The following INPP4B variants were observed in gnomAD, a reference collection of about 807,000 sequenced individuals.
The protein encoded by INPP4B is inositol polyphosphate 4-phosphatase type II.
A neutral mutation model predicts 122.5 loss-of-function variants in INPP4B; 55 were observed. That is an observed-to-expected ratio of 0.45 (90% CI 0.36 to 0.56). The LOEUF (loss-of-function observed/expected upper bound fraction) is 0.56. Ranked by LOEUF, INPP4B falls within the 20% of genes least tolerant of loss-of-function variation. INPP4B has a pLI of 0.00. For missense variants in INPP4B, 1,000 were observed against 1,097.7 expected (o/e 0.91, Z 1.26); for synonymous variants, 403 against 388.7 (o/e 1.04, Z -0.43).
At chr4:142,223,012 T>A (rs528242919) in intron 12 of INPP4B, among the ~76,000 whole-genome samples, 3 of 152,160 alleles carry the variant, frequency 2.0e-5, no homozygotes, top group African/African-American at 7.2e-5. Flanking sequence ...ACATTTTTTT[T>A]ATCAATAGTT....
intron 7 of INPP4B, among the ~76,000 whole-genome samples, chr4:142,400,115 C>T (rs1801112975): frequency 6.6e-6 from 1 of 152,136 alleles, no homozygotes; most frequent in South Asian, 2.1e-4. Flanking sequence ...GCCATCATTT[C>T]TCTTTAAAAA....
At chr4:142,041,965 T>C (rs1221100602) in intron 25 of INPP4B, among the ~76,000 whole-genome samples, 1 of 152,170 alleles carries the variant, frequency 6.6e-6, no homozygotes, top group Non-Finnish European at 1.5e-5. Context: ...CCTTTCTTTC[T>C]ATCACAGGAA....
intron 1 of INPP4B, among the ~76,000 whole-genome samples, chr4:142,809,143 A>T (rs1214218026): frequency 6.6e-6 from 1 of 152,110 alleles, no homozygotes; most frequent in Non-Finnish European, 1.5e-5. Context: ...TTTAATGTTA[A>T]AAAAGCATGA....
chr4:142,365,736 G>A (rs2148617800), intron 7 of INPP4B, among the ~76,000 whole-genome samples: 1 of 151,526 alleles, frequency 6.6e-6, no homozygotes, highest in Admixed American at 6.6e-5. Flanking sequence ...TAGATCACAT[G>A]CCACTATTTT....
intron 1 of INPP4B, among the ~76,000 whole-genome samples, chr4:142,749,884 T>C (rs1162027629): frequency 6.6e-6 from 1 of 151,542 alleles, no homozygotes; most frequent in African/African-American, 2.4e-5. Flanking sequence ...ATTATAAAAC[T>C]TTAATAAATC....
intron 2 of INPP4B, among the ~76,000 whole-genome samples, chr4:142,541,518 C>T (rs919335216): frequency 1.3e-5 from 2 of 151,946 alleles, no homozygotes; most frequent in Non-Finnish European, 2.9e-5. Flanking sequence ...AGACTAGGCA[C>T]TTTTTTTCTT....
intron 25 of INPP4B, chr4:142,030,116 A>G: frequency 6.6e-7 from 1 of 1,509,116 alleles, no homozygotes; most frequent in Non-Finnish European, 8.9e-7. Context: ...AAAAAGGAAT[A>G]CAACATAAAA....
chr4:142,096,523 TAA>T (rs1781856048), intron 23 of INPP4B, among the ~76,000 whole-genome samples: 1 of 152,154 alleles, frequency 6.6e-6, no homozygotes, highest in Non-Finnish European at 1.5e-5. Context: ...TAAGGGACAT[TAA>T]AAGTCTATGT....
intron 15 of INPP4B, among the ~76,000 whole-genome samples, chr4:142,187,328 AT>A (rs1213086956): frequency 4.6e-5 from 7 of 152,200 alleles, no homozygotes; most frequent in Admixed American, 2.0e-4. Flanking sequence ...AATAAAGTAT[AT>A]TTTAATTGAA....
At chr4:142,711,912 G>A (rs936527013) in intron 2 of INPP4B, among the ~76,000 whole-genome samples, 1 of 152,124 alleles carries the variant, frequency 6.6e-6, no homozygotes, top group Non-Finnish European at 1.5e-5. Flanking sequence ...GCCCACCATG[G>A]TGGTACATGA....
At chr4:142,657,854 G>T (rs191417591) in intron 2 of INPP4B, among the ~76,000 whole-genome samples, 1 of 152,056 alleles carries the variant, frequency 6.6e-6, no homozygotes, top group African/African-American at 2.4e-5. Context: ...GATATTTAAC[G>T]GATTCTGAAA....
rs192123364 is a variant in INPP4B, at chr4:142,731,037, C to T, written c.-253-5136G>A. On this transcript the variant is annotated intron_variant, in intron 1 of 25. Transcript: ENST00000262992. ...CATGTAGGTTTGTTACTTAGGTAAA[C>T]GCGTGCCATGCTGGTTTGCTGCACC... 7.9e-5 allele frequency among the ~76,000 whole-genome samples: 12 copies of T among 152,006 alleles called. No individual in the cohort carries two copies. The East Asian group carries it at 1.2e-3, about 15-fold the overall frequency.
At chr4:142,320,215 T>A (rs1412835205) in intron 7 of INPP4B, among the ~76,000 whole-genome samples, 2 of 152,212 alleles carry the variant, frequency 1.3e-5, no homozygotes, top group African/African-American at 2.4e-5. Flanking sequence ...ACTTCTGTTT[T>A]TAGGAAGAAC....
intron 7 of INPP4B, among the ~76,000 whole-genome samples, chr4:142,349,791 A>G (rs534634846): frequency 6.6e-6 from 1 of 152,018 alleles, no homozygotes; most frequent in Non-Finnish European, 1.5e-5. Context: ...AGAATCACAC[A>G]TGAGCTTATT....
At chr4:142,083,959 C>A (rs1775444291) in intron 24 of INPP4B, among the ~76,000 whole-genome samples, 1 of 152,006 alleles carries the variant, frequency 6.6e-6, no homozygotes, top group Non-Finnish European at 1.5e-5. Flanking sequence ...AATTTAAAGT[C>A]TAGTGGAGGT....
chr4:142,696,943 C>T (rs116932715), intron 2 of INPP4B, among the ~76,000 whole-genome samples: 3 of 152,202 alleles, frequency 2.0e-5, no homozygotes, highest in African/African-American at 7.2e-5. Context: ...GCCCCGCACA[C>T]TCCACTGTAT....
At chr4:142,732,137 C>T (rs1327052425) in intron 1 of INPP4B, among the ~76,000 whole-genome samples, 3 of 152,124 alleles carry the variant, frequency 2.0e-5, no homozygotes, top group Non-Finnish European at 2.9e-5. Context: ...TTATGTAGTA[C>T]AGTATCATTA....
At chr4:142,389,251 G>GAAAA (rs199976631) in intron 7 of INPP4B, among the ~76,000 whole-genome samples, 1 of 89,514 alleles carries the variant, frequency 1.1e-5, no homozygotes. Flanking sequence ...CTCCATCTCA[G>GAAAA]AAAAAAAAAA....
intron 7 of INPP4B, among the ~76,000 whole-genome samples, chr4:142,386,275 T>C (rs558025445): frequency 9.8e-5 from 15 of 152,302 alleles, no homozygotes; most frequent in African/African-American, 2.6e-4. Flanking sequence ...CATTCATCCA[T>C]TGATGAACTC....
Sources: gnomAD v4.1 joint callset for allele counts (sites outside exome capture counted in the v4.1 genomes callset) on GRCh38, gnomAD v4.1.1 for gene constraint, MANE v1.5 for transcripts, NCBI Gene and HGNC (gene_info 2026-07-23, HGNC 2026-07-21) for gene names.